The following SPAG9 variants were observed in gnomAD, a reference collection of about 807,000 sequenced individuals.
SPAG9 encodes the protein sperm associated antigen 9, also known as C-Jun-amino-terminal kinase-interacting protein 4.
SPAG9 carries 35 observed loss-of-function variants against 166.5 expected under a neutral mutation model. That is an observed-to-expected ratio of 0.21 (90% CI 0.16 to 0.28). The LOEUF (loss-of-function observed/expected upper bound fraction) is 0.28. SPAG9 is among the 10% of genes least tolerant of loss of function. The pLI is 1.00. For synonymous variants in SPAG9, 534 were observed against 565.5 expected (o/e 0.94, Z 0.79); for missense variants, 1,235 against 1,603.3 (o/e 0.77, Z 3.92).
chr17:51,062,792 G>A (rs1481997341), intron 2 of SPAG9, among the ~76,000 whole-genome samples: 1 of 152,116 alleles, frequency 6.6e-6, no homozygotes, highest in Non-Finnish European at 1.5e-5. Flanking sequence ...GTTTCGCCAT[G>A]TTGGCCAGGC....
chr17:51,034,945 A>C (rs2046529338), intron 5 of SPAG9, among the ~76,000 whole-genome samples: 2 of 152,224 alleles, frequency 1.3e-5, no homozygotes, highest in Non-Finnish European at 2.9e-5. Flanking sequence ...AAAAGTCTCA[A>C]GGTCATGAAA....
chr17:51,063,471 C>T (rs1361317070), intron 2 of SPAG9, among the ~76,000 whole-genome samples: 1 of 151,208 alleles, frequency 6.6e-6, no homozygotes, highest in African/African-American at 2.4e-5. Context: ...GTTTTTGATA[C>T]AAAATAAATC....
chr17:51,052,083 T>C (rs552620264), intron 3 of SPAG9, among the ~76,000 whole-genome samples: 6 of 152,304 alleles, frequency 3.9e-5, no homozygotes, highest in African/African-American at 4.8e-5. Context: ...AATTTAAGAA[T>C]AGTTATTCTT....
chr17:51,105,939 T>C (rs775148040), intron 1 of SPAG9, among the ~76,000 whole-genome samples: 2 of 151,690 alleles, frequency 1.3e-5, no homozygotes, highest in Admixed American at 6.6e-5. Context: ...CTAAAGTGCC[T>C]ACCTCTTCAC....
intron 2 of SPAG9, among the ~76,000 whole-genome samples, chr17:51,063,543 C>T (rs1255733868): frequency 1.3e-5 from 2 of 152,040 alleles, no homozygotes; most frequent in Non-Finnish European, 2.9e-5. Flanking sequence ...TTGTCTGTAA[C>T]CTGTTAAATA....
At chr17:50,978,443 C>A (rs1193860420) in intron 26 of SPAG9, among the ~76,000 whole-genome samples, 2 of 152,138 alleles carry the variant, frequency 1.3e-5, no homozygotes, top group Non-Finnish European at 2.9e-5. Flanking sequence ...TGAAAGGAAT[C>A]CTTTATGACA....
intron 29 of SPAG9, among the ~76,000 whole-genome samples, chr17:50,966,600 T>C (rs1027626854): frequency 4.6e-5 from 7 of 152,176 alleles, no homozygotes; most frequent in African/African-American, 1.7e-4. Flanking sequence ...GGTTAATTCA[T>C]TTTTCAGACT....
intron 18 of SPAG9, 80 bp from the exon 19 acceptor site, chr17:50,994,015 G>A: frequency 1.6e-6 from 2 of 1,229,486 alleles, no homozygotes; most frequent in Non-Finnish European, 2.3e-6. Context: ...TACAGTAAAA[G>A]GCAATACTAT....
At chr17:51,065,231 C>T (rs1164099426) in intron 2 of SPAG9, among the ~76,000 whole-genome samples, 1 of 152,068 alleles carries the variant, frequency 6.6e-6, no homozygotes, top group African/African-American at 2.4e-5. Flanking sequence ...CAGGGTCTCG[C>T]TATTTTGCCC....
At chr17:51,059,161 A>G (rs1404392733) in intron 2 of SPAG9, among the ~76,000 whole-genome samples, 1 of 152,230 alleles carries the variant, frequency 6.6e-6, no homozygotes, top group African/African-American at 2.4e-5. Context: ...ATTCAAAGAC[A>G]TAACACAAAA....
intron 13 of SPAG9, among the ~76,000 whole-genome samples, chr17:51,000,997 A>G (rs2044923112): frequency 6.6e-6 from 1 of 152,240 alleles, no homozygotes; most frequent in Non-Finnish European, 1.5e-5. Context: ...TGATTCTAAT[A>G]TAACATTGGT....
intron 1 of SPAG9, among the ~76,000 whole-genome samples, chr17:51,085,043 G>A (rs995871461): frequency 2.0e-5 from 3 of 151,810 alleles, no homozygotes; most frequent in Non-Finnish European, 4.4e-5. Flanking sequence ...TAGAGATGTG[G>A]TTTCACCTTG....
intron 3 of SPAG9, among the ~76,000 whole-genome samples, chr17:51,055,387 T>C (rs188316125): frequency 5.8e-4 from 89 of 152,172 alleles, no homozygotes; most frequent in African/African-American, 2.0e-3. Flanking sequence ...CAACAGAATA[T>C]AGCTACAATA....
At chr17:50,974,369 T>C (rs1433613986) in intron 28 of SPAG9, among the ~76,000 whole-genome samples, 3 of 152,224 alleles carry the variant, frequency 2.0e-5, no homozygotes, top group African/African-American at 7.2e-5. Context: ...CCTAGTTCAC[T>C]GCTTTTTCCT....
intron 2 of SPAG9, among the ~76,000 whole-genome samples, chr17:51,062,118 CTT>C (rs1171815435): frequency 6.6e-6 from 1 of 152,190 alleles, no homozygotes; most frequent in East Asian, 1.9e-4. Context: ...TTTTAATAGA[CTT>C]TATTTTTAGA....
At chr17:50,981,512 AGATAGATAGATAGAT>A (rs1217591792) in intron 25 of SPAG9, among the ~76,000 whole-genome samples, 1 of 149,352 alleles carries the variant, frequency 6.7e-6, no homozygotes, top group Admixed American at 6.6e-5. Flanking sequence ...ATAGATAGAT[AGATAGATAGATAGAT>A]AGAAAGAAAG....
chr17:51,089,655 T>TATAC (rs2048407100), intron 1 of SPAG9, among the ~76,000 whole-genome samples: 1 of 104,730 alleles, frequency 9.5e-6, no homozygotes, highest in Non-Finnish European at 1.9e-5. Flanking sequence ...TATATATATA[T>TATAC]ATATATATAC....
At chr17:50,990,384 C>A in intron 20 of SPAG9, 66 bp downstream of exon 20, 1 of 1,161,710 alleles carries the variant, frequency 8.6e-7, no homozygotes, top group Non-Finnish European at 1.3e-6. Context: ...AAATTAAGTC[C>A]ATAATGAGGC....
chr17:51,093,826 T>C (rs1340343247), intron 1 of SPAG9, among the ~76,000 whole-genome samples: 1 of 151,890 alleles, frequency 6.6e-6, no homozygotes, highest in African/African-American at 2.4e-5. Flanking sequence ...AATCACTAGT[T>C]AGTAATATCC....
Sources: allele counts gnomAD v4.1 joint callset (sites outside exome capture counted in the v4.1 genomes callset), GRCh38; gene constraint gnomAD v4.1.1; transcripts MANE v1.5; gene names NCBI Gene and HGNC (gene_info 2026-07-23, HGNC 2026-07-21).